Variants in ADAM32 observed in about 807,000 individuals in gnomAD.
ADAM32 encodes ADAM metallopeptidase domain 32.
A neutral mutation model predicts 114.9 loss-of-function variants in ADAM32; 89 were observed. The observed-to-expected ratio is 0.77, with a 90% CI of 0.65 to 0.92. The LOEUF is 0.92. Among genes scored for constraint, ADAM32 ranks in the 40% least tolerant of loss-of-function variants. The pLI is 0.00. For synonymous variants in ADAM32, 285 were observed against 307.5 expected, an observed-to-expected ratio of 0.93 and a Z score of 0.77; for missense variants, 870 against 932.8, an observed-to-expected ratio of 0.93 and a Z score of 0.88.
chr8:39,217,114 TATA>T lies in ADAM32; in HGVS notation c.1234-4495_1234-4493del, dbSNP rs1173919691. Among the ~76,000 whole-genome samples, 6 of 130,388 alleles carry T rather than the reference TATA, an allele frequency of 4.6e-5. No homozygotes were observed. In the South Asian group the frequency reaches 9.1e-4, roughly 20 times the overall value. 85.5% of individuals were successfully genotyped at this position (130,388 alleles called of 152,430 possible). A position where few individuals can be genotyped will look rare whatever the true frequency, so the allele number is the denominator to read the frequency against. On this transcript the variant is annotated intron_variant, in intron 12 of 24. Coordinates refer to ENST00000379907, the MANE Select transcript of ADAM32 (RefSeq NM_145004.7). ...CCATTATGTTTAAAGAATATATATATATATTTTTTTACCAGATATGCTATCCTA... is the reference window on the plus strand; with the variant it reads ...CCATTATGTTTAAAGAATATATATATTTTTTTTACCAGATATGCTATCCTA...
At chr8:39,127,504 T>C (rs1485813245) in intron 2 of ADAM32, among the ~76,000 whole-genome samples, 1 of 152,156 alleles carries the variant, frequency 6.6e-6, no homozygotes, top group Non-Finnish European at 1.5e-5. Flanking sequence ...TGTTTGTATT[T>C]CTGTGGGGTC....
At chr8:39,255,175 A>G (rs983698128) in intron 18 of ADAM32, among the ~76,000 whole-genome samples, 3 of 151,938 alleles carry the variant, frequency 2.0e-5, no homozygotes, top group Non-Finnish European at 4.4e-5. Context: ...TTGTGCTGCT[A>G]TAAACATTTG....
intron 2 of ADAM32, among the ~76,000 whole-genome samples, chr8:39,126,430 C>T (rs1357440316): frequency 2.6e-5 from 4 of 152,032 alleles, no homozygotes; most frequent in African/African-American, 4.8e-5. Context: ...TTTATTCTTT[C>T]TGTAGCAGTT....
At chr8:39,227,474 C>T (rs759621537) in intron 14 of ADAM32, among the ~76,000 whole-genome samples, 4 of 152,060 alleles carry the variant, frequency 2.6e-5, no homozygotes, top group Non-Finnish European at 4.4e-5. Flanking sequence ...GAAACAGACT[C>T]GGGGCTGTTA....
chr8:39,216,782 A>T (rs774116275), intron 12 of ADAM32, among the ~76,000 whole-genome samples: 9 of 151,338 alleles, frequency 5.9e-5, no homozygotes, highest in South Asian at 2.1e-4. Context: ...TGTTTTTTCT[A>T]TTTATATATA....
intron 14 of ADAM32, among the ~76,000 whole-genome samples, chr8:39,230,478 ATATTCTTTACAT>A: frequency 6.6e-6 from 1 of 152,350 alleles, no homozygotes; most frequent in East Asian, 1.9e-4. Flanking sequence ...GTGACCAAAC[ATATTCTTTACAT>A]TATCTTTCTA....
rs34747712 is a variant in ADAM32, at chr8:39,123,704, C to CTTTTTTT, written c.138+5549_138+5555dup. Among the ~76,000 whole-genome samples the CTTTTTTT allele has an allele frequency of 6.2e-4, 82 of 132,164 alleles. 1 individual carries two copies. The highest frequency in any genetic ancestry group is 5.7e-4 in the Non-Finnish European group (36 of 63,576). 86.7% of individuals were successfully genotyped at this position (132,164 alleles called of 152,430 possible). Reference sequence around the variant, plus strand: ...CATTAAAGTTTGGTAATTTTCTTTCCTTTTTTTTTTTTTTTTGTTTGAGTT... The same window carrying CTTTTTTT: ...CATTAAAGTTTGGTAATTTTCTTTCCTTTTTTTTTTTTTTTTTTTTTTTGTTTGAGTT... On this transcript the variant is annotated intron_variant, in intron 2 of 24. Transcript: ENST00000379907.
chr8:39,209,706 A>G (rs917094010), intron 11 of ADAM32, among the ~76,000 whole-genome samples: 10 of 152,292 alleles, frequency 6.6e-5, no homozygotes, highest in Admixed American at 2.0e-4. Context: ...CCTTAAGCTC[A>G]ATTACGCTGT....
chr8:39,224,660 T>C (rs763955545), intron 14 of ADAM32, among the ~76,000 whole-genome samples: 4 of 152,188 alleles, frequency 2.6e-5, no homozygotes, highest in Non-Finnish European at 4.4e-5. Flanking sequence ...TTCCTTATTA[T>C]ATATATGATC....
chr8:39,281,692 C>T (rs1183727499), intron 23 of ADAM32, among the ~76,000 whole-genome samples: 3 of 152,134 alleles, frequency 2.0e-5, no homozygotes, highest in Non-Finnish European at 2.9e-5. Flanking sequence ...TCTCTGAACT[C>T]GTTTAGAGAA....
intron 11 of ADAM32, among the ~76,000 whole-genome samples, chr8:39,206,339 T>A (rs1807829683): frequency 6.6e-6 from 1 of 151,950 alleles, no homozygotes. Flanking sequence ...TGGTTTTGAG[T>A]GGATTGTTCT....
intron 11 of ADAM32, among the ~76,000 whole-genome samples, chr8:39,205,809 G>T (rs910579961): frequency 2.0e-5 from 3 of 152,066 alleles, no homozygotes; most frequent in Non-Finnish European, 2.9e-5. Flanking sequence ...ATTTATCTGT[G>T]CTCTGTTTTG....
Position 39,223,459 on chromosome 8 carries a change from C to T in ADAM32, c.1525+221C>T, listed in dbSNP as rs148102698. The T allele has an allele frequency of 1.6e-3, 395 of 247,714 alleles. 2 individuals carry two copies. Among genetic ancestry groups the T allele is most frequent in the Admixed American group, 2.7e-3 (51 of 18,698 alleles). 15.3% of individuals were successfully genotyped at this position (247,714 alleles called of 1,614,324 possible). ...TATTATATGTATAAGCAAACATATA[C>T]GCGCTAATTCTTCTTGTTAATGTTT... On this transcript the variant is annotated intron_variant, in intron 14 of 24. Coordinates refer to ENST00000379907, the MANE Select transcript of ADAM32 (RefSeq NM_145004.7).
At chr8:39,262,389 C>G (rs1041058074) in intron 19 of ADAM32, among the ~76,000 whole-genome samples, 2 of 152,138 alleles carry the variant, frequency 1.3e-5, no homozygotes, top group Non-Finnish European at 2.9e-5. Context: ...GTACTCTATT[C>G]TGTTCCATTA....
At chr8:39,120,124 A>G (rs1358071229) in intron 2 of ADAM32, among the ~76,000 whole-genome samples, 1 of 152,222 alleles carries the variant, frequency 6.6e-6, no homozygotes, top group African/African-American at 2.4e-5. Context: ...GTGAGAAAAT[A>G]CATTTTTGTT....
At chr8:39,114,506 C>A (rs1220808665) in intron 1 of ADAM32, among the ~76,000 whole-genome samples, 2 of 152,156 alleles carry the variant, frequency 1.3e-5, no homozygotes, top group East Asian at 3.9e-4. Context: ...TCATCTAGTT[C>A]ATTCCTAGGG....
chr8:39,210,172 AGCCTGGT>A (rs1808114584), intron 11 of ADAM32, among the ~76,000 whole-genome samples: 1 of 152,186 alleles, frequency 6.6e-6, no homozygotes, highest in Non-Finnish European at 1.5e-5. Context: ...CATGGGGTTC[AGCCTGGT>A]GCTGTGTTTT....
chr8:39,151,697 T>G (rs532263062), intron 6 of ADAM32, 149 bp downstream of exon 6: 1 of 587,780 alleles, frequency 1.7e-6, no homozygotes, highest in Non-Finnish European at 2.6e-6. Context: ...TTTTTCTCAC[T>G]CTCTCACTCA....
chr8:39,124,543 G>A (rs903466269), intron 2 of ADAM32, among the ~76,000 whole-genome samples: 37 of 151,632 alleles, frequency 2.4e-4, no homozygotes, highest in African/African-American at 2.9e-4. Context: ...TCAGCCTCCC[G>A]AGTAGCTGGG....
Sources: gnomAD v4.1 joint callset for allele counts (sites outside exome capture counted in the v4.1 genomes callset) on GRCh38, gnomAD v4.1.1 for gene constraint, MANE v1.5 for transcripts, NCBI Gene and HGNC (gene_info 2026-07-23, HGNC 2026-07-21) for gene names.